ST6GALNAC3: variants seen among roughly 807,000 people sequenced by gnomAD.
ST6GALNAC3 encodes the protein ST6 N-acetylgalactosaminide alpha-2,6-sialyltransferase 3, also known as alpha-N-acetylgalactosaminide alpha-2,6-sialyltransferase 3.
In ST6GALNAC3, 25 loss-of-function variants were observed where a neutral mutation model predicts 32.7. The ratio of observed to expected loss-of-function variants is 0.76; its 90% CI spans 0.56 to 1.07. ST6GALNAC3 has a LOEUF of 1.07. Among genes scored for constraint, ST6GALNAC3 ranks in the 50% least tolerant of loss-of-function variants. The pLI, the probability that ST6GALNAC3 is intolerant of heterozygous loss-of-function variation, is 0.00. For synonymous variants in ST6GALNAC3, 129 were observed against 133.1 expected, an observed-to-expected ratio of 0.97 and a Z score of 0.21; for missense variants, 355 against 382.4, an observed-to-expected ratio of 0.93 and a Z score of 0.60.
chr1:76,404,179 C>T (rs979856810), intron 2 of ST6GALNAC3, among the ~76,000 whole-genome samples: 4 of 152,072 alleles, frequency 2.6e-5, no homozygotes, highest in African/African-American at 9.7e-5. Context: ...TGCCACATCC[C>T]AAATCCACAT....
chr1:76,500,313 C>G (rs1661103848), intron 3 of ST6GALNAC3, among the ~76,000 whole-genome samples: 1 of 152,110 alleles, frequency 6.6e-6, no homozygotes, highest in African/African-American at 2.4e-5. Context: ...AGTACATTTT[C>G]CTTATTTCCA....
chr1:76,335,608 G>A (rs1337682550), intron 2 of ST6GALNAC3, among the ~76,000 whole-genome samples: 2 of 152,154 alleles, frequency 1.3e-5, no homozygotes, highest in African/African-American at 4.8e-5. Context: ...GCCCTGGCAG[G>A]AAATTGATTT....
At chr1:76,571,191 T>G (rs1033405552) in intron 3 of ST6GALNAC3, among the ~76,000 whole-genome samples, 7 of 152,166 alleles carry the variant, frequency 4.6e-5, no homozygotes, top group African/African-American at 1.7e-4. Flanking sequence ...GCCTTTTAAT[T>G]GTCATTTCTT....
chr1:76,372,348 T>TTA (rs1410431213), intron 2 of ST6GALNAC3, among the ~76,000 whole-genome samples: 3 of 152,116 alleles, frequency 2.0e-5, no homozygotes, highest in Non-Finnish European at 4.4e-5. Context: ...TAATGTTTTA[T>TTA]TATACACAGA....
intron 3 of ST6GALNAC3, among the ~76,000 whole-genome samples, chr1:76,622,659 T>G (rs1648722530): frequency 6.6e-6 from 1 of 151,974 alleles, no homozygotes; most frequent in Non-Finnish European, 1.5e-5. Context: ...TCCAAAATGT[T>G]AATAGTGCTG....
At chr1:76,126,243 T>C (rs1028748181) in intron 1 of ST6GALNAC3, among the ~76,000 whole-genome samples, 1 of 152,224 alleles carries the variant, frequency 6.6e-6, no homozygotes, top group East Asian at 1.9e-4. Context: ...CTTTTTAGTA[T>C]TTTTTAAATG....
At chr1:76,472,540 C>G (rs1401645273) in intron 3 of ST6GALNAC3, among the ~76,000 whole-genome samples, 1 of 152,062 alleles carries the variant, frequency 6.6e-6, no homozygotes, top group Non-Finnish European at 1.5e-5. Flanking sequence ...AGGGACCACC[C>G]AAGCTAAAAC....
chr1:76,171,980 T>G (rs959401440), intron 1 of ST6GALNAC3, among the ~76,000 whole-genome samples: 2 of 152,140 alleles, frequency 1.3e-5, no homozygotes, highest in Non-Finnish European at 2.9e-5. Flanking sequence ...CCCTAACTCA[T>G]TTTATGAAGC....
intron 2 of ST6GALNAC3, among the ~76,000 whole-genome samples, chr1:76,316,841 C>CATGGG (rs1646875446): frequency 6.6e-6 from 1 of 151,966 alleles, no homozygotes; most frequent in African/African-American, 2.4e-5. Context: ...TTACCATTTA[C>CATGGG]CATGGGGAAG....
intron 1 of ST6GALNAC3, among the ~76,000 whole-genome samples, chr1:76,251,429 G>A (rs897367875): frequency 1.3e-5 from 2 of 151,968 alleles, no homozygotes; most frequent in Non-Finnish European, 2.9e-5. Context: ...CGAAATCTTT[G>A]AGCTGCTTTT....
intron 1 of ST6GALNAC3, among the ~76,000 whole-genome samples, chr1:76,250,462 T>TTGGCAAGTCAATTTGGCA (rs1657544696): frequency 6.6e-6 from 1 of 152,216 alleles, no homozygotes; most frequent in African/African-American, 2.4e-5. Context: ...CCAAGTGAAT[T>TTGGCAAGTCAATTTGGCA]AGACTATTTG....
At chr1:76,441,171 CAT>C (rs1369759294) in intron 3 of ST6GALNAC3, among the ~76,000 whole-genome samples, 1 of 150,582 alleles carries the variant, frequency 6.6e-6, no homozygotes, top group Non-Finnish European at 1.5e-5. Context: ...ACTTGCTCAA[CAT>C]AAACTATTGA....
intron 2 of ST6GALNAC3, among the ~76,000 whole-genome samples, chr1:76,350,905 T>C (rs1648923953): frequency 6.6e-6 from 1 of 152,170 alleles, no homozygotes; most frequent in Non-Finnish European, 1.5e-5. Flanking sequence ...TTCTGACACA[T>C]TTTTTACTTT....
At chr1:76,533,556 C>G (rs545666962) in intron 3 of ST6GALNAC3, among the ~76,000 whole-genome samples, 1 of 152,120 alleles carries the variant, frequency 6.6e-6, no homozygotes, top group Non-Finnish European at 1.5e-5. Context: ...CTGAGGATTC[C>G]CCTAAGAGAC....
chr1:76,284,128 G>A (rs1023564951), intron 1 of ST6GALNAC3, among the ~76,000 whole-genome samples: 4 of 152,122 alleles, frequency 2.6e-5, no homozygotes, highest in Admixed American at 2.6e-4. Context: ...AGATTTGTAA[G>A]TTTAATTTTT....
Position 76,412,368 on chromosome 1 carries a change from C to A in ST6GALNAC3, c.574C>A (p.Arg192Ser). The A allele has an allele frequency of 1.9e-6, 3 of 1,612,374 alleles. No homozygotes were observed. The highest frequency in any genetic ancestry group is 2.5e-6 in the Non-Finnish European group (3 of 1,179,024). ...CCAAATATACGTGACCACAGAGAAGCGCATGAGTTACTGTGATGGAGTTTT... is the reference window on the plus strand; with the variant it reads ...CCAAATATACGTGACCACAGAGAAGAGCATGAGTTACTGTGATGGAGTTTT... ...NAQIYVTTEKRMSYCDGVFKK... is the reference protein window; with the variant it reads ...NAQIYVTTEKSMSYCDGVFKK... The change falls in exon 3 of 5, where the codon CGC (arginine) becomes AGC (serine). Residue 192 changes from arginine to serine, a missense_variant. Physicochemically the swap from Arg to Ser is moderately radical, Grantham distance 110. Transcript: ENST00000328299.
intron 3 of ST6GALNAC3, among the ~76,000 whole-genome samples, chr1:76,431,358 G>T (rs1187590498): frequency 6.6e-6 from 1 of 152,062 alleles, no homozygotes; most frequent in Non-Finnish European, 1.5e-5. Flanking sequence ...ATTAAAATTT[G>T]ATAATTTTTA....
chr1:76,431,627 A>C (rs1655758607), intron 3 of ST6GALNAC3, among the ~76,000 whole-genome samples: 1 of 152,146 alleles, frequency 6.6e-6, no homozygotes, highest in Non-Finnish European at 1.5e-5. Flanking sequence ...TCTATGTAGA[A>C]AGAGCTACAA....
At chr1:76,566,333 C>T (rs182347123) in intron 3 of ST6GALNAC3, among the ~76,000 whole-genome samples, 2 of 152,266 alleles carry the variant, frequency 1.3e-5, no homozygotes, top group East Asian at 3.9e-4. Context: ...TGCTTCTTCT[C>T]TACCTCTTTA....
Sources: gnomAD v4.1 joint callset for allele counts (sites outside exome capture counted in the v4.1 genomes callset) on GRCh38, gnomAD v4.1.1 for gene constraint, MANE v1.5 for transcripts, NCBI Gene and HGNC (gene_info 2026-07-23, HGNC 2026-07-21) for gene names.